The following SLIT3 variants were observed in gnomAD, a reference collection of about 807,000 sequenced individuals.
The protein encoded by SLIT3 is slit homolog 3 protein.
A neutral mutation model predicts 184.0 loss-of-function variants in SLIT3; 68 were observed. The observed-to-expected ratio is 0.37, with a 90% CI of 0.30 to 0.45. The LOEUF is 0.45. Ranked by LOEUF, SLIT3 falls within the 20% of genes least tolerant of loss-of-function variation. The pLI is 1.00. For missense variants in SLIT3, 1,707 were observed against 2,026.0 expected, an observed-to-expected ratio of 0.84 and a Z score of 3.02; for synonymous variants, 831 against 828.6, an observed-to-expected ratio of 1.00 and a Z score of -0.05.
intron 1 of SLIT3, among the ~76,000 whole-genome samples, chr5:169,272,738 C>T (rs1766671370): frequency 6.6e-6 from 1 of 152,208 alleles, no homozygotes; most frequent in South Asian, 2.1e-4. Context: ...CCCCAGCTCC[C>T]AGGGAAAAAG....
intron 9 of SLIT3, among the ~76,000 whole-genome samples, chr5:168,802,632 T>G (rs1756809364): frequency 6.6e-6 from 1 of 152,194 alleles, no homozygotes; most frequent in Middle Eastern, 3.2e-3. Flanking sequence ...GAACCTATTC[T>G]CTCAACCATA....
At chr5:168,874,748 T>A (rs1478884701) in intron 5 of SLIT3, among the ~76,000 whole-genome samples, 1 of 152,258 alleles carries the variant, frequency 6.6e-6, no homozygotes, top group Non-Finnish European at 1.5e-5. Flanking sequence ...TATGTCTTTA[T>A]CAGACTAATG....
intron 4 of SLIT3, among the ~76,000 whole-genome samples, chr5:168,975,989 A>T (rs1219985494): frequency 2.6e-5 from 4 of 152,164 alleles, no homozygotes; most frequent in African/African-American, 4.8e-5. Context: ...AAACAACACT[A>T]AATCTCTCTC....
intron 9 of SLIT3, among the ~76,000 whole-genome samples, chr5:168,803,603 T>TG (rs1756846355): frequency 6.6e-6 from 1 of 151,704 alleles, no homozygotes; most frequent in Non-Finnish European, 1.5e-5. Flanking sequence ...GGAAGGGGGG[T>TG]GGCAGGCCCA....
intron 3 of SLIT3, among the ~76,000 whole-genome samples, chr5:169,203,187 C>T (rs28550883): frequency 0.028 from 4,261 of 152,170 alleles, 221 homozygotes; most frequent in African/African-American, 0.097. Context: ...CCCCAGAGGC[C>T]GTAGCCAATA....
At chr5:168,854,935 G>A (rs1369236136) in intron 5 of SLIT3, among the ~76,000 whole-genome samples, 2 of 152,236 alleles carry the variant, frequency 1.3e-5, no homozygotes, top group Non-Finnish European at 2.9e-5. Context: ...TCAAAACTCA[G>A]CAGCACGTGC....
intron 14 of SLIT3, among the ~76,000 whole-genome samples, chr5:168,768,908 A>C (rs961581586): frequency 6.6e-6 from 1 of 152,180 alleles, no homozygotes; most frequent in African/African-American, 2.4e-5. Flanking sequence ...AAAAGAAAAT[A>C]TATCTCTCTA....
intron 8 of SLIT3, among the ~76,000 whole-genome samples, chr5:168,806,804 G>T (rs561213758): frequency 6.6e-6 from 1 of 152,286 alleles, no homozygotes; most frequent in East Asian, 1.9e-4. Context: ...TGTTTGAGTT[G>T]CTCCGCCTGC....
At chr5:168,901,859 T>C (rs185841376) in intron 4 of SLIT3, among the ~76,000 whole-genome samples, 1 of 152,164 alleles carries the variant, frequency 6.6e-6, no homozygotes, top group Non-Finnish European at 1.5e-5. Context: ...CCATATGCCC[T>C]GTGACATTTG....
At chr5:168,862,750 C>T (rs1759157490) in intron 5 of SLIT3, among the ~76,000 whole-genome samples, 1 of 152,068 alleles carries the variant, frequency 6.6e-6, no homozygotes, top group Non-Finnish European at 1.5e-5. Context: ...TCTTGGCTCA[C>T]TGCAAGCTCT....
chr5:169,059,009 G>A (rs758741446), intron 4 of SLIT3, among the ~76,000 whole-genome samples: 5 of 152,194 alleles, frequency 3.3e-5, no homozygotes, highest in African/African-American at 7.2e-5. Context: ...CCAAATGCTG[G>A]AGAGTTTGCC....
chr5:169,227,411 C>CAAAAATAAG (rs1764850840), intron 3 of SLIT3, among the ~76,000 whole-genome samples: 3 of 152,042 alleles, frequency 2.0e-5, no homozygotes, highest in Admixed American at 2.0e-4. Flanking sequence ...TAGGTTGGTG[C>CAAAAATAAG]AAAAATAAGT....
chr5:169,197,953 G>T (rs988617532), intron 3 of SLIT3, among the ~76,000 whole-genome samples: 6 of 152,244 alleles, frequency 3.9e-5, no homozygotes, highest in African/African-American at 1.4e-4. Flanking sequence ...GATATAAATA[G>T]AAGTTTTTGC....
At chr5:169,140,055 G>T (rs1449873172) in intron 4 of SLIT3, among the ~76,000 whole-genome samples, 1 of 152,064 alleles carries the variant, frequency 6.6e-6, no homozygotes, top group Non-Finnish European at 1.5e-5. Flanking sequence ...AGGAATCTCT[G>T]CAGGGCCCTA....
chr5:169,022,524 C>T (rs562790588), intron 4 of SLIT3, among the ~76,000 whole-genome samples: 19 of 152,324 alleles, frequency 1.2e-4, no homozygotes, highest in African/African-American at 4.1e-4. Context: ...TTCTTGGATA[C>T]AGACACTTGT....
intron 1 of SLIT3, among the ~76,000 whole-genome samples, chr5:169,276,037 G>A (rs1381489295): frequency 6.6e-6 from 1 of 152,106 alleles, no homozygotes; most frequent in Non-Finnish European, 1.5e-5. Flanking sequence ...TGGGTCGGGG[G>A]AGTGACGCGA....
intron 4 of SLIT3, among the ~76,000 whole-genome samples, chr5:169,078,078 G>T (rs1758816482): frequency 6.6e-6 from 1 of 151,946 alleles, no homozygotes; most frequent in Non-Finnish European, 1.5e-5. Flanking sequence ...CATGATCTGG[G>T]GCCTTGTGTT....
chr5:168,854,297 C>G (rs1192006234), intron 5 of SLIT3, among the ~76,000 whole-genome samples: 1 of 143,428 alleles, frequency 7.0e-6, no homozygotes, highest in Non-Finnish European at 1.5e-5. Context: ...TCACTGGGAA[C>G]TAGTTGCTTT....
At chr5:169,057,374 C>T (rs866295202) in intron 4 of SLIT3, among the ~76,000 whole-genome samples, 10 of 152,194 alleles carry the variant, frequency 6.6e-5, no homozygotes, top group African/African-American at 2.4e-4. Flanking sequence ...AAAGTCCCTT[C>T]CCTTTTCTGG....
Sources: gnomAD v4.1 joint callset for allele counts (sites outside exome capture counted in the v4.1 genomes callset) on GRCh38, gnomAD v4.1.1 for gene constraint, MANE v1.5 for transcripts, NCBI Gene and HGNC (gene_info 2026-07-23, HGNC 2026-07-21) for gene names.